The following ANKIB1 variants were observed in gnomAD, a reference collection of about 807,000 sequenced individuals.
ANKIB1 encodes ankyrin repeat and IBR domain-containing protein 1.
ANKIB1 carries 43 observed loss-of-function variants against 122.1 expected under a neutral mutation model. The observed-to-expected ratio is 0.35, with a 90% CI of 0.28 to 0.45. ANKIB1 has a LOEUF of 0.45. Among genes scored for constraint, ANKIB1 ranks in the 20% least tolerant of loss-of-function variants. The probability of loss-of-function intolerance (pLI) is 1.00; values close to 1 mark genes in which losing one functional copy is unlikely to be tolerated. For synonymous variants in ANKIB1, 390 were observed against 442.0 expected (o/e 0.88, Z 1.48); for missense variants, 992 against 1,329.5 (o/e 0.75, Z 3.95).
intron 1 of ANKIB1, among the ~76,000 whole-genome samples, chr7:92,292,694 G>T (rs1802275322): frequency 6.6e-6 from 1 of 152,080 alleles, no homozygotes; most frequent in African/African-American, 2.4e-5. Context: ...AATATTTTAG[G>T]CTAAAGGTTT....
intron 17 of ANKIB1, among the ~76,000 whole-genome samples, chr7:92,393,437 A>G (rs1804827470): frequency 6.6e-6 from 1 of 152,102 alleles, no homozygotes; most frequent in Non-Finnish European, 1.5e-5. Flanking sequence ...ATACATTTAC[A>G]ACTTCGGGGA....
chr7:92,313,374 T>G (rs1224821255), intron 3 of ANKIB1, among the ~76,000 whole-genome samples: 1 of 152,126 alleles, frequency 6.6e-6, no homozygotes, highest in South Asian at 2.1e-4. Flanking sequence ...ATTACCTAAT[T>G]ATATTGTGTT....
intron 1 of ANKIB1, among the ~76,000 whole-genome samples, chr7:92,264,225 G>A (rs1363049673): frequency 2.8e-5 from 4 of 140,984 alleles, no homozygotes; most frequent in African/African-American, 1.0e-4. Context: ...GAAAGGGATT[G>A]TAGCAGAGGG....
At chr7:92,342,965 C>T in intron 5 of ANKIB1, 59 bp from the exon 6 acceptor site, 2 of 1,494,306 alleles carry the variant, frequency 1.3e-6, no homozygotes, top group South Asian at 2.3e-5. Flanking sequence ...TATTATATAG[C>T]TTTTATAACA....
intron 1 of ANKIB1, among the ~76,000 whole-genome samples, chr7:92,286,851 T>C (rs370204487): frequency 3.9e-5 from 6 of 152,216 alleles, no homozygotes; most frequent in East Asian, 3.8e-4. Flanking sequence ...TGTGTACATC[T>C]TCAAGGGTTT....
intron 3 of ANKIB1, among the ~76,000 whole-genome samples, chr7:92,316,181 A>T (rs1802790400): frequency 6.6e-6 from 1 of 152,222 alleles, no homozygotes; most frequent in Non-Finnish European, 1.5e-5. Flanking sequence ...CAGTCCTCCT[A>T]TTAAGCCCTC....
intron 2 of ANKIB1, among the ~76,000 whole-genome samples, chr7:92,305,755 C>T (rs1802546329): frequency 6.6e-6 from 1 of 152,092 alleles, no homozygotes; most frequent in South Asian, 2.1e-4. Context: ...AGAAAATAAG[C>T]ATGTAGAGAA....
At chr7:92,354,473 A>G (rs1803743601) in intron 9 of ANKIB1, among the ~76,000 whole-genome samples, 1 of 152,202 alleles carries the variant, frequency 6.6e-6, no homozygotes, top group Non-Finnish European at 1.5e-5. Context: ...TTAGGGTAGT[A>G]GAGAACCTAA....
chr7:92,314,239 A>T (rs1415828217), intron 3 of ANKIB1, among the ~76,000 whole-genome samples: 1 of 152,002 alleles, frequency 6.6e-6, no homozygotes, highest in East Asian at 1.9e-4. Context: ...TGGAGGCTAC[A>T]GTGAGCCGTG....
chr7:92,329,342 T>G (rs1004168509), intron 5 of ANKIB1, among the ~76,000 whole-genome samples: 1 of 152,154 alleles, frequency 6.6e-6, no homozygotes, highest in Non-Finnish European at 1.5e-5. Context: ...GCTCTTAAAT[T>G]TTAATATAAA....
chr7:92,324,493 C>T (rs1278360288), intron 4 of ANKIB1, among the ~76,000 whole-genome samples: 1 of 152,212 alleles, frequency 6.6e-6, no homozygotes, highest in Admixed American at 6.5e-5. Flanking sequence ...CTCGGCCTCC[C>T]AAAGTGCTGG....
At chr7:92,324,577 A>G (rs1802984006) in intron 4 of ANKIB1, among the ~76,000 whole-genome samples, 4 of 152,222 alleles carry the variant, frequency 2.6e-5, no homozygotes, top group Non-Finnish European at 4.4e-5. Flanking sequence ...TAAAACTTAT[A>G]TTTGTACCTT....
Position 92,246,419 on chromosome 7 carries a change from T to A in ANKIB1, c.-191T>A, listed in dbSNP as rs780624305. The A allele has an allele frequency of 7.8e-6, 4 of 512,774 alleles. No homozygotes were observed. In the East Asian group the frequency reaches 2.2e-4, roughly 28 times the overall value. 31.8% of individuals were successfully genotyped at this position (512,774 alleles called of 1,614,324 possible). ...GTCCGGGTGGGTGGGGCGGGCTGGG[T>A]ACCTGAGGTCACCAGCTCGGCTGTA... On this transcript the variant is annotated 5_prime_UTR_variant, in exon 1 of 20. Transcript: ENST00000265742.
chr7:92,365,460 A>G (rs1308620226), intron 10 of ANKIB1, among the ~76,000 whole-genome samples: 3 of 152,212 alleles, frequency 2.0e-5, no homozygotes, highest in African/African-American at 7.2e-5. Context: ...TCATACAATC[A>G]CTTTAGTGAT....
At chr7:92,303,037 CAGTT>C (rs36036440) in intron 2 of ANKIB1, among the ~76,000 whole-genome samples, 47,801 of 151,724 alleles carry the variant, frequency 0.32, 7,751 homozygotes, top group Non-Finnish European at 0.35. Context: ...GGAGAAAAGA[CAGTT>C]AGTTCAGAGA....
chr7:92,309,923 T>TAAAAAAAAAAAAAAAAA (rs869276384), intron 3 of ANKIB1, among the ~76,000 whole-genome samples: 3 of 96,052 alleles, frequency 3.1e-5, no homozygotes, highest in Admixed American at 1.1e-4. Flanking sequence ...AGACTCCATC[T>TAAAAAAAAAAAAAAAAA]AAAAAAAAAA....
chr7:92,383,770 C>G (rs948973603), intron 11 of ANKIB1, among the ~76,000 whole-genome samples: 2 of 152,072 alleles, frequency 1.3e-5, no homozygotes, highest in Non-Finnish European at 2.9e-5. Flanking sequence ...TATGACAAAC[C>G]CACAGCCAGT....
intron 3 of ANKIB1, among the ~76,000 whole-genome samples, chr7:92,308,609 AT>A (rs1802616972): frequency 6.6e-6 from 1 of 152,130 alleles, no homozygotes; most frequent in South Asian, 2.1e-4. Context: ...TTCCATATAT[AT>A]TTCATGTATA....
At chr7:92,341,768 T>C (rs1171634671) in intron 5 of ANKIB1, among the ~76,000 whole-genome samples, 1 of 152,184 alleles carries the variant, frequency 6.6e-6, no homozygotes. Flanking sequence ...TGACTTATAA[T>C]GGTGCTAACT....
Sources: gnomAD v4.1 joint callset for allele counts (sites outside exome capture counted in the v4.1 genomes callset) on GRCh38, gnomAD v4.1.1 for gene constraint, MANE v1.5 for transcripts, NCBI Gene and HGNC (gene_info 2026-07-23, HGNC 2026-07-21) for gene names.